CDKL4: variants seen among roughly 807,000 people sequenced by gnomAD.
The protein encoded by CDKL4 is cyclin dependent kinase like 4.
CDKL4 carries 44 observed loss-of-function variants against 42.0 expected under a neutral mutation model. The observed-to-expected ratio is 1.05, with a 90% CI of 0.82 to 1.35. The LOEUF (loss-of-function observed/expected upper bound fraction) is 1.35. CDKL4 is among the 40% of genes most tolerant of loss of function. The pLI is 0.00. For synonymous variants in CDKL4, 120 were observed against 121.6 expected (o/e 0.99, Z 0.09); for missense variants, 393 against 369.9 (o/e 1.06, Z -0.51).
In CDKL4 at chr2:39,208,197, T is replaced by TA. The variant is rs546409801; in HGVS notation, c.364-3581dup. ...ATGGGGGGAAGAAGATGCTTAGACA[T>TA]ACAGCATTCACCTACTCCACTGCAA... On this transcript the variant is annotated intron_variant, in intron 4 of 9. Transcript: ENST00000451199. Among the ~76,000 whole-genome samples, 110 of 152,262 alleles carry TA rather than the reference T, an allele frequency of 7.2e-4. 1 individual carries two copies. Among genetic ancestry groups the TA allele is most frequent in the Admixed American group, 4.6e-3 (71 of 15,306 alleles).
intron 5 of CDKL4, among the ~76,000 whole-genome samples, chr2:39,200,094 G>C (rs1434511892): frequency 6.6e-6 from 1 of 151,992 alleles, no homozygotes; most frequent in Non-Finnish European, 1.5e-5. Flanking sequence ...AAACCCTAAA[G>C]ACTCCTTCAA....
intron 4 of CDKL4, among the ~76,000 whole-genome samples, chr2:39,207,647 A>T (rs368246652): frequency 6.6e-6 from 1 of 152,236 alleles, no homozygotes; most frequent in African/African-American, 2.4e-5. Flanking sequence ...CATCTAATCC[A>T]TGTGAAATTT....
At chr2:39,222,744 C>G (rs147700701) in intron 3 of CDKL4, among the ~76,000 whole-genome samples, 2 of 152,070 alleles carry the variant, frequency 1.3e-5, no homozygotes, top group Non-Finnish European at 1.5e-5. Context: ...TCAAGTCAAG[C>G]AAACTGGTGT....
chr2:39,230,711 C>T (rs1270498944), intron 1 of CDKL4, among the ~76,000 whole-genome samples: 2 of 152,136 alleles, frequency 1.3e-5, no homozygotes, highest in East Asian at 3.8e-4. Context: ...ATAACAATTA[C>T]AATAATAATG....
chr2:39,233,417 C>T (rs1048674530), intron 1 of CDKL4, among the ~76,000 whole-genome samples: 39 of 152,020 alleles, frequency 2.6e-4, no homozygotes, highest in Non-Finnish European at 4.9e-4. Flanking sequence ...CTGTTGGAGA[C>T]TGGACAGTGA....
exon 9 of CDKL4, chr2:39,179,214 A>G (rs1675300091): frequency 6.2e-7 from 1 of 1,612,340 alleles, no homozygotes. Flanking sequence ...TTCTTCCTTC[A>G]TTACGTGCTT....
rs1553394706 is a variant in CDKL4, at chr2:39,233,077, A to AG, written c.-56-3490_-56-3489insC. On this transcript the variant is annotated intron_variant, in intron 1 of 9. Transcript: ENST00000451199. The stretch of plus-strand genomic sequence containing the variant: ...AAAAAAAAAAAAGAAAGAAAGAAAG[A>AG]AAAAGAAAAGAAAAGCCTAAATTCT... 2.5e-4 allele frequency among the ~76,000 whole-genome samples: 35 copies of AG among 137,528 alleles called. 1 individual carries two copies. Among genetic ancestry groups the AG allele is most frequent in the African/African-American group, 6.4e-4 (24 of 37,250 alleles). The allele number at this position is 137,528 out of a possible 152,430, so 90.2% of individuals were successfully genotyped here. A position where few individuals can be genotyped will look rare whatever the true frequency, so the allele number is the denominator to read the frequency against.
intron 5 of CDKL4, among the ~76,000 whole-genome samples, chr2:39,197,733 A>G (rs1676603690): frequency 6.6e-6 from 1 of 152,218 alleles, no homozygotes; most frequent in South Asian, 2.1e-4. Context: ...GTATCTAGTG[A>G]AACTAAGCTT....
chr2:39,207,113 T>C (rs1374264281), intron 4 of CDKL4, among the ~76,000 whole-genome samples: 1 of 152,136 alleles, frequency 6.6e-6, no homozygotes, highest in Non-Finnish European at 1.5e-5. Flanking sequence ...AGGCTGGGCA[T>C]GGTCGCTGAT....
chr2:39,240,022 G>A lies in CDKL4; in HGVS notation c.-57+3849C>T, dbSNP rs369133991. ...GGAGAATTGCTTGAACCTGGGAGGC[G>A]GAGGTTGCAGTGAGCTGAGATTGTG... On this transcript the variant is annotated intron_variant, in intron 1 of 9. Coordinates refer to ENST00000451199, the Ensembl canonical transcript of CDKL4. Among the ~76,000 whole-genome samples, 71 of 151,992 alleles carry A rather than the reference G, an allele frequency of 4.7e-4. 1 individual carries two copies. Among genetic ancestry groups the A allele is most frequent in the African/African-American group, 1.5e-3 (63 of 41,464 alleles).
At chr2:39,183,314 A>G (rs1453151427) in intron 8 of CDKL4, among the ~76,000 whole-genome samples, 1 of 152,122 alleles carries the variant, frequency 6.6e-6, no homozygotes, top group African/African-American at 2.4e-5. Context: ...GTCTTCTCTC[A>G]TCTAATATGG....
intron 7 of CDKL4, among the ~76,000 whole-genome samples, chr2:39,186,809 G>C (rs1274448004): frequency 1.3e-5 from 2 of 151,846 alleles, no homozygotes; most frequent in Non-Finnish European, 2.9e-5. Flanking sequence ...AATTATTTAA[G>C]GGAAAATTCT....
At chr2:39,178,127 A>G (rs1163761105) in intron 9 of CDKL4, among the ~76,000 whole-genome samples, 1 of 152,206 alleles carries the variant, frequency 6.6e-6, no homozygotes, top group African/African-American at 2.4e-5. Context: ...ATTTAATAGC[A>G]AAAGGTAAAA....
intron 1 of CDKL4, among the ~76,000 whole-genome samples, chr2:39,232,962 T>G (rs1482411113): frequency 1.1e-4 from 16 of 141,092 alleles, no homozygotes; most frequent in African/African-American, 4.1e-4. Flanking sequence ...AGAGAATTGC[T>G]TGAACCCAGG....
intron 1 of CDKL4, among the ~76,000 whole-genome samples, chr2:39,240,176 G>A (rs946427885): frequency 2.0e-5 from 3 of 151,864 alleles, no homozygotes; most frequent in Non-Finnish European, 2.9e-5. Context: ...TTGGGAGGCC[G>A]AGACAGGCGA....
chr2:39,225,954 T>G (rs1446225519), exon 3 of CDKL4: 1 of 1,608,842 alleles, frequency 6.2e-7, no homozygotes, highest in East Asian at 2.3e-5. Flanking sequence ...TTTGGATGTT[T>G]TAATTGCTGT....
rs188734521 is a variant in CDKL4 at position 39,187,883 on chromosome 2, C to A, written c.653-174G>T. 6.8e-3 allele frequency among the ~76,000 whole-genome samples: 1,028 copies of A among 152,226 alleles called. 10 individuals are homozygous for A. Among genetic ancestry groups the A allele is most frequent in the African/African-American group, 0.024 (985 of 41,538 alleles). On this transcript the variant is annotated intron_variant, in intron 6 of 9. Transcript: ENST00000451199. ...AAGAGTTCGAGACCAGCCTGGTCAA[C>A]ATGGCGAAACCCCGTCTCTACTAAA...
At chr2:39,222,220 T>C (rs1573009518) in intron 3 of CDKL4, among the ~76,000 whole-genome samples, 1 of 152,124 alleles carries the variant, frequency 6.6e-6, no homozygotes, top group Non-Finnish European at 1.5e-5. Flanking sequence ...TCAATGGGGA[T>C]TCAAAGGAAG....
chr2:39,226,434 A>T (rs10198184), intron 2 of CDKL4, among the ~76,000 whole-genome samples: 3 of 101,556 alleles, frequency 3.0e-5, no homozygotes, highest in Admixed American at 1.1e-4. Context: ...TATTTATATA[A>T]ATTATATATA....
Sources: allele counts gnomAD v4.1 joint callset (sites outside exome capture counted in the v4.1 genomes callset), GRCh38; gene constraint gnomAD v4.1.1; transcripts MANE v1.5; gene names NCBI Gene and HGNC (gene_info 2026-07-23, HGNC 2026-07-21).